IQSEC1: variants seen among roughly 807,000 people sequenced by gnomAD.
IQSEC1 encodes the protein IQ motif and SEC7 domain-containing protein 1.
IQSEC1 carries 31 observed loss-of-function variants against 91.0 expected under a neutral mutation model. The observed-to-expected ratio is 0.34, with a 90% CI of 0.26 to 0.46. The LOEUF is 0.46. Among genes scored for constraint, IQSEC1 ranks in the 20% least tolerant of loss-of-function variants. The pLI is 1.00. For synonymous variants in IQSEC1, 699 were observed against 662.6 expected (o/e 1.05, Z -0.84); for missense variants, 1,388 against 1,575.6 (o/e 0.88, Z 2.02).
chr3:13,021,846 T>C (rs939592249), intron 1 of IQSEC1, among the ~76,000 whole-genome samples: 4 of 152,194 alleles, frequency 2.6e-5, no homozygotes, highest in Non-Finnish European at 4.4e-5. Context: ...ACGTGTGCTC[T>C]GGATCCCAGC....
In IQSEC1 at chr3:13,152,795, G is replaced by C. The variant is rs564172574; in HGVS notation, c.302+11309C>G. Reference sequence around the variant, plus strand: ...TGAGGCAGGAGAATCGCTTGAACCTGGGAGGCAGAGGTTGCAGTGAGCCAA... The same window carrying C: ...TGAGGCAGGAGAATCGCTTGAACCTCGGAGGCAGAGGTTGCAGTGAGCCAA... On this transcript the variant is annotated intron_variant, in intron 2 of 15. Coordinates refer to the IQSEC1 transcript ENST00000648114. Among the ~76,000 whole-genome samples the C allele has an allele frequency of 9.2e-5, 14 of 152,258 alleles. No individual in the cohort carries two copies. In the South Asian group the frequency reaches 2.1e-3, roughly 23 times the overall value.
At chr3:12,953,307 T>C (rs1478053886) in intron 1 of IQSEC1, among the ~76,000 whole-genome samples, 2 of 152,140 alleles carry the variant, frequency 1.3e-5, no homozygotes, top group Non-Finnish European at 2.9e-5. Context: ...CGAGGGACAC[T>C]GAGGCTGATT....
intron 1 of IQSEC1, among the ~76,000 whole-genome samples, chr3:13,044,360 T>C (rs1002397493): frequency 1.3e-5 from 2 of 152,216 alleles, no homozygotes; most frequent in Non-Finnish European, 2.9e-5. Context: ...AGAATGGTCC[T>C]GCCCAAAATG....
At chr3:13,184,987 C>T (rs986704184) in intron 1 of IQSEC1, among the ~76,000 whole-genome samples, 3 of 152,148 alleles carry the variant, frequency 2.0e-5, no homozygotes, top group African/African-American at 4.8e-5. Flanking sequence ...TTCCTACCTC[C>T]ACACAGACAA....
intron 2 of IQSEC1, among the ~76,000 whole-genome samples, chr3:13,139,686 G>T (rs1706767737): frequency 6.6e-6 from 1 of 152,208 alleles, no homozygotes; most frequent in Admixed American, 6.5e-5. Flanking sequence ...TTGGTTACTA[G>T]AAAGAACTGT....
chr3:13,220,378 G>C (rs966789891), intron 1 of IQSEC1, among the ~76,000 whole-genome samples: 2 of 152,172 alleles, frequency 1.3e-5, no homozygotes, highest in Non-Finnish European at 2.9e-5. Flanking sequence ...AAGAAGGGGG[G>C]TCCTTGCCCC....
At chr3:13,015,352 T>C (rs1442202688) in intron 1 of IQSEC1, among the ~76,000 whole-genome samples, 1 of 152,140 alleles carries the variant, frequency 6.6e-6, no homozygotes, top group Admixed American at 6.5e-5. Context: ...GAACTTCCCC[T>C]TGCGGCTGTG....
Position 13,091,631 on chromosome 3 carries a change from G to T in IQSEC1, c.303-44109C>A, listed in dbSNP as rs550057104. Among the ~76,000 whole-genome samples, 3 of 152,316 alleles carry T rather than the reference G, an allele frequency of 2.0e-5. No homozygotes were observed. In the South Asian group the frequency reaches 6.2e-4, roughly 32 times the overall value. On this transcript the variant is annotated intron_variant, in intron 2 of 15. Coordinates refer to the IQSEC1 transcript ENST00000648114. ...AGCCCAGGTGGGACGGGCCCACAAT[G>T]CTCCCAGGAAGCCCGACTTGGCTGT... is the stretch of plus-strand genomic sequence containing the variant.
At chr3:13,167,978 A>G (rs1403182258) in intron 1 of IQSEC1, among the ~76,000 whole-genome samples, 1 of 152,198 alleles carries the variant, frequency 6.6e-6, no homozygotes, top group Non-Finnish European at 1.5e-5. Context: ...AAGGGAACAC[A>G]GGCTTCTGGT....
chr3:13,080,220 T>A (rs1314282243), intron 2 of IQSEC1, among the ~76,000 whole-genome samples: 2 of 151,914 alleles, frequency 1.3e-5, no homozygotes, highest in East Asian at 3.9e-4. Context: ...TGGGGAGAGA[T>A]TAGAGGCTGG....
intron 8 of IQSEC1, among the ~76,000 whole-genome samples, chr3:12,914,074 C>A (rs1334842579): frequency 1.3e-5 from 2 of 152,230 alleles, no homozygotes; most frequent in African/African-American, 4.8e-5. Context: ...ACTTTTCCCA[C>A]CCAACCAAGC....
At chr3:12,930,470 C>A (rs1426374428) in intron 3 of IQSEC1, among the ~76,000 whole-genome samples, 1 of 152,156 alleles carries the variant, frequency 6.6e-6, no homozygotes, top group Non-Finnish European at 1.5e-5. Flanking sequence ...CCAGTCAGAG[C>A]CCTGCATCCT....
intron 2 of IQSEC1, among the ~76,000 whole-genome samples, chr3:13,102,246 G>A (rs1173610137): frequency 6.6e-6 from 1 of 152,076 alleles, no homozygotes; most frequent in Non-Finnish European, 1.5e-5. Flanking sequence ...TGGAGCCACT[G>A]ACTCCAGCCT....
intron 1 of IQSEC1, among the ~76,000 whole-genome samples, chr3:13,009,017 T>C (rs1702755871): frequency 6.6e-6 from 1 of 152,194 alleles, no homozygotes; most frequent in East Asian, 1.9e-4. Context: ...TGGCCTGGCT[T>C]TCTGAGATCG....
At chr3:13,179,787 C>T (rs1032269778) in intron 1 of IQSEC1, among the ~76,000 whole-genome samples, 4 of 152,240 alleles carry the variant, frequency 2.6e-5, no homozygotes, top group Non-Finnish European at 4.4e-5. Context: ...GGGCTATGCA[C>T]GGTGCTTGCG....
At chr3:12,942,951 T>G (rs1698892607) in intron 1 of IQSEC1, among the ~76,000 whole-genome samples, 1 of 152,232 alleles carries the variant, frequency 6.6e-6, no homozygotes, top group Non-Finnish European at 1.5e-5. Context: ...GATCCCCGAC[T>G]TCCAGCCTCC....
At chr3:13,137,917 G>A (rs1278823476) in intron 2 of IQSEC1, among the ~76,000 whole-genome samples, 3 of 152,182 alleles carry the variant, frequency 2.0e-5, no homozygotes, top group Non-Finnish European at 4.4e-5. Context: ...AAAAAAAGAG[G>A]AGGATCACGG....
At chr3:13,187,945 A>G (rs1693961585) in intron 1 of IQSEC1, among the ~76,000 whole-genome samples, 1 of 151,900 alleles carries the variant, frequency 6.6e-6, no homozygotes, top group Non-Finnish European at 1.5e-5. Flanking sequence ...AGACCTGATC[A>G]CCCCCCAGAG....
chr3:13,255,526 T>G (rs1695270496), intron 1 of IQSEC1, among the ~76,000 whole-genome samples: 1 of 152,128 alleles, frequency 6.6e-6, no homozygotes. Context: ...GGAAAAAGTC[T>G]TGTATAATAC....
Sources: gnomAD v4.1 joint callset for allele counts (sites outside exome capture counted in the v4.1 genomes callset) on GRCh38, gnomAD v4.1.1 for gene constraint, MANE v1.5 for transcripts, NCBI Gene and HGNC (gene_info 2026-07-23, HGNC 2026-07-21) for gene names.